Variants in PLEKHA5 observed in about 807,000 individuals in gnomAD.
PLEKHA5 encodes the protein pleckstrin homology domain containing A5.
In PLEKHA5, 55 loss-of-function variants were observed where a neutral mutation model predicts 181.9. The observed-to-expected ratio is 0.30, with a 90% CI of 0.24 to 0.38. The LOEUF is 0.38. Among genes scored for constraint, PLEKHA5 ranks in the 10% least tolerant of loss-of-function variants. The pLI, the probability that PLEKHA5 is intolerant of heterozygous loss-of-function variation, is 1.00. For missense variants in PLEKHA5, 1,432 were observed against 1,549.5 expected (o/e 0.92, Z 1.27); for synonymous variants, 535 against 529.4 (o/e 1.01, Z -0.15).
intron 15 of PLEKHA5, among the ~76,000 whole-genome samples, chr12:19,307,878 C>T (rs561488041): frequency 1.3e-5 from 2 of 151,778 alleles, no homozygotes; most frequent in South Asian, 4.2e-4. Flanking sequence ...TAAAAAGTCT[C>T]GGTGTCCTAA....
intron 3 of PLEKHA5, among the ~76,000 whole-genome samples, chr12:19,144,970 G>T (rs982203388): frequency 4.6e-5 from 7 of 152,140 alleles, no homozygotes; most frequent in South Asian, 2.1e-4. Context: ...GGTAGTAAAA[G>T]ATATAAATAA....
chr12:19,165,824 T>C (rs1223295367), intron 3 of PLEKHA5, among the ~76,000 whole-genome samples: 1 of 152,186 alleles, frequency 6.6e-6, no homozygotes, highest in Non-Finnish European at 1.5e-5. Flanking sequence ...AGTTACACAA[T>C]GAGCAGTTTT....
intron 16 of PLEKHA5, among the ~76,000 whole-genome samples, chr12:19,317,000 T>C (rs2089045706): frequency 6.6e-6 from 1 of 152,194 alleles, no homozygotes; most frequent in African/African-American, 2.4e-5. Flanking sequence ...TTTGCATTTT[T>C]CTTCCTTGGA....
At chr12:19,333,481 C>A (rs776658768) in intron 20 of PLEKHA5, among the ~76,000 whole-genome samples, 2 of 151,618 alleles carry the variant, frequency 1.3e-5, no homozygotes, top group Non-Finnish European at 2.9e-5. Context: ...CCCAGCTACT[C>A]GGGAGGTCGA....
chr12:19,320,098 A>G (rs1373967715), intron 17 of PLEKHA5, 42 bp downstream of exon 17: 1 of 742,846 alleles, frequency 1.3e-6, no homozygotes, highest in Non-Finnish European at 2.1e-6. Context: ...ACAATATGTT[A>G]TAGGTTTTGT....
intron 26 of PLEKHA5, among the ~76,000 whole-genome samples, chr12:19,354,569 C>G (rs2094820576): frequency 6.6e-6 from 1 of 150,532 alleles, no homozygotes; most frequent in Admixed American, 6.7e-5. Flanking sequence ...CAAACTCTGC[C>G]TCCCGGGTTC....
chr12:19,290,385 GT>G (rs1317156651), intron 13 of PLEKHA5, among the ~76,000 whole-genome samples: 1 of 151,956 alleles, frequency 6.6e-6, no homozygotes, highest in Admixed American at 6.6e-5. Flanking sequence ...CCTTTATAAT[GT>G]TTTTTTGGCA....
intron 15 of PLEKHA5, among the ~76,000 whole-genome samples, chr12:19,308,354 T>C (rs1565598600): frequency 6.6e-6 from 1 of 152,194 alleles, no homozygotes; most frequent in African/African-American, 2.4e-5. Context: ...AGCTCTGAGT[T>C]ATTAATGGTT....
intron 15 of PLEKHA5, among the ~76,000 whole-genome samples, chr12:19,292,426 A>G (rs1312697595): frequency 6.6e-6 from 1 of 152,060 alleles, no homozygotes; most frequent in East Asian, 1.9e-4. Flanking sequence ...AGAAACAGAG[A>G]AAGAGAGAGA....
At position 19,359,438 on chromosome 12, in the gene PLEKHA5, G is replaced by A; in HGVS notation, c.3375G>A (p.Leu1125=). ...TQTRRRDDKE[L]DTAIRENDVK... is the part of the protein sequence containing the mutation. The stretch of plus-strand genomic sequence containing the variant: ...CTCGAAGGAGGGATGATAAGGAACT[G>A]GACACTGCCATTAGAGAAAATGATG... The change falls in exon 28 of 32, where the codon CTG becomes CTA. Residue 1125 remains leucine (L), a synonymous_variant. Transcript: ENST00000429027. 2 of 1,613,350 alleles carry A rather than the reference G, an allele frequency of 1.2e-6. No individual in the cohort carries two copies. The highest frequency in any genetic ancestry group is 1.7e-6 in the Non-Finnish European group (2 of 1,179,388).
intron 15 of PLEKHA5, among the ~76,000 whole-genome samples, chr12:19,312,085 G>T (rs895286935): frequency 1.3e-5 from 2 of 152,138 alleles, no homozygotes; most frequent in African/African-American, 4.8e-5. Flanking sequence ...CATTGTCAGT[G>T]GGCACTCATA....
In PLEKHA5 at chr12:19,347,245, A is replaced by G. The variant is rs1209177719; in HGVS notation, c.2898+63A>G. 3.9e-6 allele frequency: 4 copies of G among 1,014,328 alleles called. No individual in the cohort carries two copies. In the African/African-American group the frequency reaches 6.6e-5, roughly 17 times the overall value. 62.8% of individuals were successfully genotyped at this position (1,014,328 alleles called of 1,614,324 possible). On this transcript the variant is annotated intron_variant, in intron 24 of 31. Transcript: ENST00000429027. ...CATGTCCTCTCATTTTTGAAAATTAATTTATTTTACACTCAAACTTTTTTT... is the reference window on the plus strand; with the variant it reads ...CATGTCCTCTCATTTTTGAAAATTAGTTTATTTTACACTCAAACTTTTTTT...
chr12:19,130,227 C>T lies in PLEKHA5; in HGVS notation c.169+97C>T. ...GCAACCTGCCCCGCGCCGCGGGCCC[C>T]GGGAGGCGGCGAGGCGGGGCGGAGG... On this transcript the variant is annotated intron_variant, in intron 2 of 31. Transcript: ENST00000429027. The surrounding 1 kb of genome is among the most constrained non-coding windows in gnomAD (Gnocchi z 4.5). 1 of 635,730 alleles carries T rather than the reference C, an allele frequency of 1.6e-6. No homozygotes were observed. Among genetic ancestry groups the T allele is most frequent in the South Asian group, 6.4e-5 (1 of 15,660 alleles). 39.4% of individuals were successfully genotyped at this position (635,730 alleles called of 1,614,324 possible).
chr12:19,360,543 G>A (rs1311379067), intron 28 of PLEKHA5, among the ~76,000 whole-genome samples: 2 of 151,644 alleles, frequency 1.3e-5, no homozygotes, highest in Admixed American at 6.6e-5. Context: ...GTCAGAGGTT[G>A]CAATGAGCTG....
chr12:19,198,124 T>C (rs1371490502), intron 3 of PLEKHA5, among the ~76,000 whole-genome samples: 1 of 152,170 alleles, frequency 6.6e-6, no homozygotes. Flanking sequence ...CAATCCATTC[T>C]CCACACTAGC....
At chr12:19,325,701 T>C (rs1403180175) in intron 20 of PLEKHA5, among the ~76,000 whole-genome samples, 2 of 116,974 alleles carry the variant, frequency 1.7e-5, no homozygotes, top group African/African-American at 6.0e-5. Context: ...AAAAAAAAAA[T>C]AGTAATAATA....
chr12:19,363,912 G>C (rs2095341433), intron 29 of PLEKHA5, among the ~76,000 whole-genome samples: 1 of 152,292 alleles, frequency 6.6e-6, no homozygotes, highest in East Asian at 1.9e-4. Flanking sequence ...TAAATGAATA[G>C]CAAGATTGAA....
At chr12:19,282,532 G>A (rs2076401712) in intron 11 of PLEKHA5, among the ~76,000 whole-genome samples, 1 of 152,150 alleles carries the variant, frequency 6.6e-6, no homozygotes, top group Non-Finnish European at 1.5e-5. Flanking sequence ...CAACAGAATA[G>A]TCAACATATA....
At chr12:19,233,958 C>G (rs2152404073) in intron 3 of PLEKHA5, among the ~76,000 whole-genome samples, 1 of 152,292 alleles carries the variant, frequency 6.6e-6, no homozygotes, top group Middle Eastern at 3.4e-3. Flanking sequence ...GCTTCTTTTC[C>G]TAAAACGTGG....
Sources: allele counts gnomAD v4.1 joint callset (sites outside exome capture counted in the v4.1 genomes callset), GRCh38; gene constraint gnomAD v4.1.1; non-coding constraint Gnocchi (gnomAD v3.1); transcripts MANE v1.5; gene names NCBI Gene and HGNC (gene_info 2026-07-23, HGNC 2026-07-21).